IFIH1: variants seen among roughly 807,000 people sequenced by gnomAD.
The protein encoded by IFIH1 is interferon induced with helicase C domain 1.
A neutral mutation model predicts 107.4 loss-of-function variants in IFIH1; 125 were observed. That is an observed-to-expected ratio of 1.16 (90% CI 1.01 to 1.35). IFIH1 has a LOEUF of 1.35. Ranked by LOEUF, IFIH1 falls within the 40% of genes most tolerant of loss-of-function variation. The pLI is 0.00. For synonymous variants in IFIH1, 458 were observed against 413.2 expected, an observed-to-expected ratio of 1.11 and a Z score of -1.31; for missense variants, 1,333 against 1,213.7, an observed-to-expected ratio of 1.10 and a Z score of -1.46.
chr2:162,293,813 G>A (rs989704567), intron 3 of IFIH1, 145 bp from the exon 4 acceptor site: 3 of 542,872 alleles, frequency 5.5e-6, no homozygotes, highest in Admixed American at 3.4e-5. Context: ...AAAGGTAAGC[G>A]CTTCTGGCAG....
At chr2:162,292,350 A>G (rs1302051601) in intron 4 of IFIH1, among the ~76,000 whole-genome samples, 1 of 151,892 alleles carries the variant, frequency 6.6e-6, no homozygotes, top group Admixed American at 6.6e-5. Flanking sequence ...ATAAACACTG[A>G]CTGAATTGAA....
chr2:162,271,584 T>C (rs926588785), intron 13 of IFIH1, among the ~76,000 whole-genome samples: 1 of 152,194 alleles, frequency 6.6e-6, no homozygotes, highest in African/African-American at 2.4e-5. Flanking sequence ...TGTGCACATG[T>C]ACGCTAGAAC....
chr2:162,278,201 T>C lies in IFIH1; in HGVS notation c.1765+4A>G, dbSNP rs1339605374. ...ACTAAGTGTTAGGTCCAAACCTAAA[T>C]TACCTTTTTTTTCCATTTGAATGGC... On this transcript the variant is annotated splice_donor_region_variant and intron_variant, in intron 9 of 15. Transcript: ENST00000649979. 9.4e-6 allele frequency: 15 copies of C among 1,602,176 alleles called. No individual in the cohort carries two copies. The highest frequency in any genetic ancestry group is 1.3e-5 in the Non-Finnish European group (15 of 1,176,674).
At chr2:162,276,535 G>A in intron 11 of IFIH1, 152 bp downstream of exon 11, 4 of 816,556 alleles carry the variant, frequency 4.9e-6, no homozygotes, top group African/African-American at 1.7e-5. Flanking sequence ...AGCCTAGGAG[G>A]TCAAGGGTGC....
At chr2:162,276,611 A>AAGAAGAAG (rs1217105938) in intron 11 of IFIH1, 76 bp downstream of exon 11, 28 of 1,491,768 alleles carry the variant, frequency 1.9e-5, no homozygotes, top group African/African-American at 5.6e-5. Context: ...TCTGAAAGAA[A>AAGAAGAAG]AGAAGAAGAG....
At chr2:162,312,154 C>G (rs1290819060) in intron 1 of IFIH1, among the ~76,000 whole-genome samples, 3 of 152,112 alleles carry the variant, frequency 2.0e-5, no homozygotes, top group African/African-American at 4.8e-5. Context: ...ATTCCATAAC[C>G]TTTTATGTCA....
At chr2:162,314,776 C>G (rs1268203629) in intron 1 of IFIH1, among the ~76,000 whole-genome samples, 1 of 152,120 alleles carries the variant, frequency 6.6e-6, no homozygotes, top group East Asian at 1.9e-4. Flanking sequence ...GCGTAAGCCA[C>G]CATGACTGGC....
At chr2:162,300,705 G>A (rs193022801) in intron 3 of IFIH1, among the ~76,000 whole-genome samples, 205 of 152,232 alleles carry the variant, frequency 1.3e-3, no homozygotes, top group Middle Eastern at 3.4e-3. Context: ...AAAAGTAAAG[G>A]AGTGCTCTTA....
chr2:162,297,489 T>G lies in IFIH1; in HGVS notation c.770-3821A>C, dbSNP rs76340454. On this transcript the variant is annotated intron_variant, in intron 3 of 15. Coordinates refer to ENST00000649979, the MANE Select transcript of IFIH1 (RefSeq NM_022168.4). Reference sequence around the variant, plus strand: ...TTAACCTTCTGTTTTAAAAAATATATAGAGAGAGATAGTAGTCTCTATTTT... The same window carrying G: ...TTAACCTTCTGTTTTAAAAAATATAGAGAGAGAGATAGTAGTCTCTATTTT... 1.3e-3 allele frequency among the ~76,000 whole-genome samples: 203 copies of G among 152,150 alleles called. 6 individuals are homozygous for G. Among genetic ancestry groups the G allele is most frequent in the Admixed American group, 1.7e-3 (26 of 15,264 alleles).
At chr2:162,290,858 C>T (rs1218470425) in intron 4 of IFIH1, among the ~76,000 whole-genome samples, 1 of 151,820 alleles carries the variant, frequency 6.6e-6, no homozygotes, top group Non-Finnish European at 1.5e-5. Flanking sequence ...TGATTCTTGC[C>T]TTATCACATC....
chr2:162,297,685 A>G lies in IFIH1; in HGVS notation c.770-4017T>C, dbSNP rs191792300. Reference sequence around the variant, plus strand: ...TCTAGGGAAAATATCAAAGCTAACTATGAAACAGATTAGAAGATGGTAGTA... The same window carrying G: ...TCTAGGGAAAATATCAAAGCTAACTGTGAAACAGATTAGAAGATGGTAGTA... On this transcript the variant is annotated intron_variant, in intron 3 of 15. Transcript: ENST00000649979. Among the ~76,000 whole-genome samples, 9 of 152,336 alleles carry G rather than the reference A, an allele frequency of 5.9e-5. No individual in the cohort carries two copies. The East Asian group carries it at 1.4e-3, about 23-fold the overall frequency.
chr2:162,309,600 T>C (rs958654833), intron 2 of IFIH1, among the ~76,000 whole-genome samples: 36 of 152,332 alleles, frequency 2.4e-4, no homozygotes, highest in African/African-American at 8.2e-4. Flanking sequence ...ATAATATATC[T>C]CTACTCCTAC....
rs776754156 is a variant in IFIH1 at position 162,267,272 on chromosome 2, C to T, written c.3006G>A (p.Lys1002=). ...GAAATGTGATAGGTAATTCTACCCA[C>T]TTTTTGTATTGTTTCTTTGTTGAAT... The part of the protein sequence containing the change: ...KNNSTKKQYK[K]WVELPITFPN... The change falls in exon 16 of 16, where the codon AAG becomes AAA. Residue 1002 remains lysine, a synonymous_variant. Transcript: ENST00000649979. The T allele has an allele frequency of 1.2e-6, 2 of 1,611,928 alleles. No homozygotes were observed. Among genetic ancestry groups the T allele is most frequent in the African/African-American group, 1.3e-5 (1 of 74,828 alleles).
chr2:162,286,317 T>G (rs1682892741), intron 5 of IFIH1, among the ~76,000 whole-genome samples: 1 of 151,866 alleles, frequency 6.6e-6, no homozygotes, highest in African/African-American at 2.4e-5. Context: ...CTCTAACCGG[T>G]GATTGTGGGA....
chr2:162,308,814 T>A (rs925356989), intron 2 of IFIH1, among the ~76,000 whole-genome samples: 1 of 152,244 alleles, frequency 6.6e-6, no homozygotes, highest in Admixed American at 6.5e-5. Flanking sequence ...TTCATATCTT[T>A]ACTACATACA....
chr2:162,276,125 A>G (rs1239987689), intron 11 of IFIH1, among the ~76,000 whole-genome samples: 1 of 152,208 alleles, frequency 6.6e-6, no homozygotes, highest in East Asian at 1.9e-4. Context: ...TCTTCCAATT[A>G]TTATGTGGGA....
chr2:162,300,971 A>G (rs1683184013), intron 3 of IFIH1, among the ~76,000 whole-genome samples: 1 of 152,170 alleles, frequency 6.6e-6, no homozygotes, highest in Non-Finnish European at 1.5e-5. Flanking sequence ...ATAAAAAGGC[A>G]AAACAAAACA....
At chr2:162,287,337 A>T (rs1576229124) in intron 5 of IFIH1, among the ~76,000 whole-genome samples, 1 of 152,040 alleles carries the variant, frequency 6.6e-6, no homozygotes, top group African/African-American at 2.4e-5. Flanking sequence ...CTGATCAAGG[A>T]AAAGTATGCT....
rs374621463 is a variant in IFIH1 at position 162,306,698 on chromosome 2, G to T, written c.769+11C>A. ...AATTACTGTATTAAAGTACGTATGTGTTTCAAGTACCTGAAACTACAGAAG... is the reference window on the plus strand; with the variant it reads ...AATTACTGTATTAAAGTACGTATGTTTTTCAAGTACCTGAAACTACAGAAG... On this transcript the variant is annotated intron_variant, in intron 3 of 15. Coordinates refer to ENST00000649979, the MANE Select transcript of IFIH1 (RefSeq NM_022168.4). 2 of 1,612,506 alleles carry T rather than the reference G, an allele frequency of 1.2e-6. No individual in the cohort carries two copies. The highest frequency in any genetic ancestry group is 2.7e-5 in the African/African-American group (2 of 74,884).
Sources: allele counts gnomAD v4.1 joint callset (sites outside exome capture counted in the v4.1 genomes callset), GRCh38; gene constraint gnomAD v4.1.1; transcripts MANE v1.5; gene names NCBI Gene and HGNC (gene_info 2026-07-23, HGNC 2026-07-21).